SPIDR: variants seen among roughly 807,000 people sequenced by gnomAD.
SPIDR encodes DNA repair-scaffolding protein.
In SPIDR, 93 loss-of-function variants were observed where a neutral mutation model predicts 104.6. That is an observed-to-expected ratio of 0.89 (90% CI 0.75 to 1.06). SPIDR has a LOEUF of 1.06. Among genes scored for constraint, SPIDR ranks in the 50% least tolerant of loss-of-function variants. SPIDR has a pLI of 0.00. For missense variants in SPIDR, 1,154 were observed against 1,111.2 expected (o/e 1.04, Z -0.55); for synonymous variants, 431 against 416.9 (o/e 1.03, Z -0.41).
At chr8:47,688,016 AGTGTGTGT>A (rs141582845) in intron 11 of SPIDR, among the ~76,000 whole-genome samples, 23 of 145,762 alleles carry the variant, frequency 1.6e-4, no homozygotes, top group East Asian at 4.1e-4. Flanking sequence ...AAAAAAAAAA[AGTGTGTGT>A]GTGTGTGTGT....
chr8:47,672,074 C>T (rs2075874234), intron 10 of SPIDR, among the ~76,000 whole-genome samples: 1 of 152,194 alleles, frequency 6.6e-6, no homozygotes, highest in South Asian at 2.1e-4. Context: ...CCTCCCACCT[C>T]AGCCCCTGAA....
In SPIDR at chr8:47,712,860, C is replaced by T; in HGVS notation, c.2176C>T (p.Leu726Phe). ...TCACAGCCTCTTCTTCAAGGACGCT[C>T]TCCGTGACCAGGGTGTGCTTGCGTC... ...APHSLFFKDA[L>F]RDQGRIVCAE... is the part of the protein sequence containing the mutation. The change falls in exon 15 of 20, where the codon CTC (leucine) becomes TTC (phenylalanine). Residue 726 changes from leucine to phenylalanine, a missense_variant. Transcript: ENST00000297423. The T allele has an allele frequency of 6.2e-7, 1 of 1,614,044 alleles. No homozygotes were observed. Among genetic ancestry groups the T allele is most frequent in the Non-Finnish European group, 8.5e-7 (1 of 1,180,040 alleles).
intron 8 of SPIDR, among the ~76,000 whole-genome samples, chr8:47,561,075 T>C (rs776234058): frequency 3.3e-5 from 5 of 152,186 alleles, no homozygotes; most frequent in Non-Finnish European, 5.9e-5. Flanking sequence ...ACCAGGATGC[T>C]CCACTGGATA....
intron 5 of SPIDR, among the ~76,000 whole-genome samples, chr8:47,312,948 A>G (rs1328043610): frequency 6.6e-6 from 1 of 152,202 alleles, no homozygotes; most frequent in Non-Finnish European, 1.5e-5. Flanking sequence ...ATGGCTAGCC[A>G]GTTTTCCCAG....
At chr8:47,590,917 T>G (rs560437940) in intron 8 of SPIDR, among the ~76,000 whole-genome samples, 18 of 152,304 alleles carry the variant, frequency 1.2e-4, no homozygotes, top group African/African-American at 4.3e-4. Flanking sequence ...TATTTGGAGT[T>G]TTCTGTGCTC....
intron 10 of SPIDR, among the ~76,000 whole-genome samples, chr8:47,631,372 A>T (rs2067051374): frequency 6.6e-6 from 1 of 152,232 alleles, no homozygotes; most frequent in African/African-American, 2.4e-5. Flanking sequence ...GGGTCAATTT[A>T]TAGTTCTTCA....
intron 19 of SPIDR, among the ~76,000 whole-genome samples, chr8:47,730,106 G>T (rs2084954997): frequency 6.6e-6 from 1 of 152,104 alleles, no homozygotes; most frequent in Non-Finnish European, 1.5e-5. Context: ...AATTCCCCAA[G>T]ATGCTTTTTT....
chr8:47,361,724 C>G (rs1161697727), intron 5 of SPIDR, among the ~76,000 whole-genome samples: 1 of 152,174 alleles, frequency 6.6e-6, no homozygotes, highest in African/African-American at 2.4e-5. Context: ...CCATGCTGAG[C>G]AGCAGGCTTG....
intron 8 of SPIDR, among the ~76,000 whole-genome samples, chr8:47,501,557 GT>G (rs1305511381): frequency 1.3e-5 from 2 of 152,264 alleles, no homozygotes; most frequent in South Asian, 4.1e-4. Context: ...AGATGATGGG[GT>G]TTTCTAGAAA....
intron 5 of SPIDR, among the ~76,000 whole-genome samples, chr8:47,328,452 A>G (rs774787467): frequency 6.8e-6 from 1 of 147,468 alleles, no homozygotes; most frequent in African/African-American, 2.5e-5. Flanking sequence ...GGGTCTTGCT[A>G]TGTTATCCAG....
chr8:47,296,515 G>A (rs1220340047), intron 5 of SPIDR, among the ~76,000 whole-genome samples: 1 of 152,112 alleles, frequency 6.6e-6, no homozygotes, highest in Non-Finnish European at 1.5e-5. Flanking sequence ...AATTTATTGA[G>A]GATTGTCCTC....
chr8:47,512,053 G>A (rs988681000), intron 8 of SPIDR: 8 of 669,944 alleles, frequency 1.2e-5, no homozygotes, highest in Admixed American at 2.1e-5. Context: ...CAAGTCCCAG[G>A]TAGCCGACTC....
chr8:47,643,107 T>C (rs2069478617), intron 10 of SPIDR, among the ~76,000 whole-genome samples: 1 of 152,212 alleles, frequency 6.6e-6, no homozygotes, highest in African/African-American at 2.4e-5. Context: ...TCTTCTCAGC[T>C]AACATCTTAT....
intron 8 of SPIDR, chr8:47,511,406 T>C: frequency 1.2e-6 from 1 of 846,870 alleles, no homozygotes; most frequent in Non-Finnish European, 2.1e-6. Context: ...AAGGCTTATT[T>C]GGACTTCATA....
intron 9 of SPIDR, among the ~76,000 whole-genome samples, chr8:47,596,676 ATAAGT>A (rs1289948804): frequency 2.0e-5 from 3 of 152,160 alleles, no homozygotes; most frequent in African/African-American, 4.8e-5. Flanking sequence ...TTCTTCAGTA[ATAAGT>A]TAACCTTAAT....
rs532154083 is a variant in SPIDR, at chr8:47,731,809, G to A, written c.2604+2344G>A. Among the ~76,000 whole-genome samples the A allele has an allele frequency of 1.1e-3, 175 of 152,354 alleles. 1 individual carries two copies. The highest frequency in any genetic ancestry group is 2.1e-3 in the Non-Finnish European group (146 of 68,036). On this transcript the variant is annotated intron_variant, in intron 19 of 19. Coordinates refer to ENST00000297423, the MANE Select transcript of SPIDR (RefSeq NM_001080394.4). The stretch of plus-strand genomic sequence containing the variant: ...CCCAGAAAGGGGGGAACTGCCCACA[G>A]CTGACCAGGTAGAAGTTTGAGTAGG...
Position 47,702,029 on chromosome 8 carries a change from T to G in SPIDR, c.1977+14T>G, listed in dbSNP as rs200957438. On this transcript the variant is annotated intron_variant, in intron 14 of 19. Coordinates refer to ENST00000297423, the MANE Select transcript of SPIDR (RefSeq NM_001080394.4). The stretch of plus-strand genomic sequence containing the variant: ...CAAAAACCACAGGTAATAATCTCTC[T>G]CAATCTCTCAATCTCTCAGCCTTTC... 9 of 1,584,696 alleles carry G rather than the reference T, an allele frequency of 5.7e-6. No homozygotes were observed. In the African/African-American group the frequency reaches 1.2e-4, roughly 22 times the overall value.
intron 8 of SPIDR, among the ~76,000 whole-genome samples, chr8:47,471,202 G>A (rs2075656473): frequency 6.6e-6 from 1 of 151,988 alleles, no homozygotes; most frequent in African/African-American, 2.4e-5. Flanking sequence ...GAAGTTTCCT[G>A]CATCAAAGAA....
chr8:47,656,481 G>T (rs1057328202), intron 10 of SPIDR, among the ~76,000 whole-genome samples: 1 of 152,126 alleles, frequency 6.6e-6, no homozygotes, highest in East Asian at 1.9e-4. Context: ...CACTAGGATG[G>T]CAATAATAAA....
Sources: allele counts gnomAD v4.1 joint callset (sites outside exome capture counted in the v4.1 genomes callset), GRCh38; gene constraint gnomAD v4.1.1; transcripts MANE v1.5; gene names NCBI Gene and HGNC (gene_info 2026-07-23, HGNC 2026-07-21).